Variants in GALC observed in about 807,000 individuals in gnomAD.
The protein encoded by GALC is galactosylceramidase.
A neutral mutation model predicts 91.8 loss-of-function variants in GALC; 77 were observed. The ratio of observed to expected loss-of-function variants is 0.84; its 90% confidence interval spans 0.70 to 1.01. GALC has a LOEUF of 1.01. Ranked by LOEUF, GALC falls within the 50% of genes least tolerant of loss-of-function variation. The probability of loss-of-function intolerance (pLI) is 0.00; values close to 1 mark genes in which losing one functional copy is unlikely to be tolerated. For synonymous variants in GALC, 357 were observed against 306.7 expected (o/e 1.16, Z -1.71); for missense variants, 882 against 855.9 (o/e 1.03, Z -0.38).
intron 7 of GALC, among the ~76,000 whole-genome samples, chr14:87,970,392 T>C (rs1886236153): frequency 6.6e-6 from 1 of 152,154 alleles, no homozygotes. Flanking sequence ...GAGCATATTA[T>C]ATTTATAAAA....
chr14:87,944,221 T>G (rs1884974561), intron 14 of GALC, among the ~76,000 whole-genome samples: 1 of 151,948 alleles, frequency 6.6e-6, no homozygotes, highest in South Asian at 2.1e-4. Flanking sequence ...GTGCTATATC[T>G]CACTTCTATA....
At chr14:87,954,462 A>T in intron 10 of GALC, 1 of 1,585,610 alleles carries the variant, frequency 6.3e-7, no homozygotes, top group South Asian at 1.1e-5. Flanking sequence ...TATATTTGGG[A>T]ATTTAAATAT....
rs375382346 is a variant in GALC, at chr14:87,988,461, G to T, written c.258C>A (p.Leu86=). The change falls in exon 2 of 17, where the codon CTC becomes CTA. Residue 86 remains leucine, a synonymous_variant. Coordinates refer to ENST00000261304, the MANE Select transcript of GALC (RefSeq NM_000153.4). ...EPYRSQILDY[L]FKPNFGASLH... ...ATAATTATGTTTTCATTACCTTAAA[G>T]AGATAATCCAATATCTGAGAACGAT... 6.3e-7 allele frequency: 1 copy of T among 1,591,426 alleles called. No homozygotes were observed. The highest frequency in any genetic ancestry group is 1.1e-5 in the South Asian group (1 of 90,550).
intron 7 of GALC, among the ~76,000 whole-genome samples, chr14:87,972,189 A>G (rs1886318967): frequency 6.6e-6 from 1 of 152,230 alleles, no homozygotes; most frequent in African/African-American, 2.4e-5. Flanking sequence ...TTAGCATCCA[A>G]CAATTGGATG....
chr14:87,962,175 T>G (rs1885832126), intron 10 of GALC, among the ~76,000 whole-genome samples: 1 of 152,146 alleles, frequency 6.6e-6, no homozygotes, highest in South Asian at 2.1e-4. Context: ...CGCACCCTAT[T>G]TGCAGCCAGT....
intron 16 of GALC, 90 bp downstream of exon 16, chr14:87,939,815 C>T: frequency 1.1e-6 from 1 of 944,464 alleles, no homozygotes. Flanking sequence ...TTATATGTCA[C>T]ACTTTCCCCC....
At chr14:87,993,234 A>G (rs1027877717), upstream of GALC, 7 of 1,545,870 alleles carry the variant, frequency 4.5e-6, no homozygotes, top group African/African-American at 1.4e-5. Flanking sequence ...TACGGGCAGG[A>G]GGCCGCTGAT....
At chr14:87,947,685 T>C (rs1566974324) in intron 13 of GALC, 43 bp downstream of exon 13, 2 of 1,581,838 alleles carry the variant, frequency 1.3e-6, no homozygotes, top group Non-Finnish European at 8.7e-7. Context: ...CACACTACTG[T>C]TAAATATAGA....
chr14:87,954,923 A>C (rs1885460656), intron 10 of GALC: 1 of 1,543,256 alleles, frequency 6.5e-7, no homozygotes, highest in Admixed American at 1.7e-5. Flanking sequence ...GGAAGACATG[A>C]TGTTTACATC....
intron 16 of GALC, among the ~76,000 whole-genome samples, chr14:87,935,381 T>C (rs1037398503): frequency 3.3e-5 from 5 of 152,068 alleles, no homozygotes; most frequent in African/African-American, 9.7e-5. Context: ...CCTTAGTTTT[T>C]GTGTTTTGTT....
At chr14:87,937,725 G>C (rs1189721935) in intron 16 of GALC, among the ~76,000 whole-genome samples, 2 of 151,194 alleles carry the variant, frequency 1.3e-5, no homozygotes, top group Non-Finnish European at 3.0e-5. Flanking sequence ...ATTTTAACCA[G>C]GTATGCAAAG....
At chr14:87,966,859 C>T (rs924465371) in intron 8 of GALC, among the ~76,000 whole-genome samples, 1 of 152,144 alleles carries the variant, frequency 6.6e-6, no homozygotes, top group Non-Finnish European at 1.5e-5. Flanking sequence ...TTAATTAAAA[C>T]AGAGACAACT....
At position 87,976,254 on chromosome 14, in the gene GALC, C is replaced by T. The variant is rs139589730; in HGVS notation, c.752+104G>A. ...CAGGTAAGTGAATACAGGAGAGCTA[C>T]CTTCTGAGAATGTAATCAAATGGGG... On this transcript the variant is annotated intron_variant, in intron 7 of 16. Transcript: ENST00000261304. 4.9e-4 allele frequency: 599 copies of T among 1,231,274 alleles called. 2 individuals carry two copies. The African/African-American group carries it at 8.1e-3, about 17-fold the overall frequency. The allele number at this position is 1,231,274 out of a possible 1,614,324, so 76.3% of individuals were successfully genotyped here.
rs1885891540 is a variant in GALC at position 87,963,377 on chromosome 14, A to C, written c.1161+7T>G. The C allele has an allele frequency of 5.6e-6, 9 of 1,612,890 alleles. No individual in the cohort carries two copies. Among genetic ancestry groups the C allele is most frequent in the African/African-American group, 1.3e-5 (1 of 74,896 alleles). On this transcript the variant is annotated splice_region_variant and intron_variant, in intron 10 of 16. Coordinates refer to ENST00000261304, the MANE Select transcript of GALC (RefSeq NM_000153.4). ...GAGTTAATCCAATAGCAACAACAAAAGTTTACCATGGTTTCAATGATGATG... is the reference window on the plus strand; with the variant it reads ...GAGTTAATCCAATAGCAACAACAAACGTTTACCATGGTTTCAATGATGATG...
intron 5 of GALC, among the ~76,000 whole-genome samples, chr14:87,983,379 T>C (rs1358639808): frequency 1.3e-5 from 2 of 152,166 alleles, no homozygotes; most frequent in Non-Finnish European, 1.5e-5. Flanking sequence ...TGGAAAAGGA[T>C]AGCAAAAACT....
chr14:87,965,393 T>C (rs1312808639), intron 9 of GALC, 112 bp downstream of exon 9: 1 of 1,208,338 alleles, frequency 8.3e-7, no homozygotes, highest in Admixed American at 1.8e-5. Context: ...AAAACTTAAA[T>C]CTATACTTAA....
chr14:87,991,596 G>C (rs1237296704), intron 1 of GALC, among the ~76,000 whole-genome samples: 1 of 152,178 alleles, frequency 6.6e-6, no homozygotes, highest in African/African-American at 2.4e-5. Context: ...CACAACCTGG[G>C]CTAGGAACCA....
chr14:87,985,075 A>G (rs1886913597), intron 4 of GALC, among the ~76,000 whole-genome samples: 1 of 152,240 alleles, frequency 6.6e-6, no homozygotes, highest in Admixed American at 6.5e-5. Context: ...ATAAATGACA[A>G]TGACTCCATA....
intron 15 of GALC, among the ~76,000 whole-genome samples, chr14:87,941,162 C>G (rs999330140): frequency 3.3e-5 from 5 of 151,816 alleles, no homozygotes; most frequent in African/African-American, 4.8e-5. Context: ...TCTACAATAC[C>G]CTTAAAAGCT....
Sources: allele counts gnomAD v4.1 joint callset (sites outside exome capture counted in the v4.1 genomes callset), GRCh38; gene constraint gnomAD v4.1.1; transcripts MANE v1.5; gene names NCBI Gene and HGNC (gene_info 2026-07-23, HGNC 2026-07-21).